PPP1R42: variants seen among roughly 807,000 people sequenced by gnomAD.
PPP1R42 encodes leucine rich repeat containing 67.
In PPP1R42, 34 loss-of-function variants were observed where a neutral mutation model predicts 31.0. The ratio of observed to expected loss-of-function variants is 1.10; its 90% CI spans 0.83 to 1.46. The LOEUF is 1.46. Ranked by LOEUF, PPP1R42 falls within the 40% of genes most tolerant of loss-of-function variation. The pLI is 0.00. For missense variants in PPP1R42, 268 were observed against 303.0 expected (o/e 0.88, Z 0.86); for synonymous variants, 103 against 109.8 (o/e 0.94, Z 0.39).
intron 5 of PPP1R42, among the ~76,000 whole-genome samples, chr8:67,005,488 A>G (rs1261313940): frequency 6.6e-6 from 1 of 151,980 alleles, no homozygotes; most frequent in Non-Finnish European, 1.5e-5. Flanking sequence ...TTCCAATCTT[A>G]CTTCTCCCTT....
chr8:66,988,177 A>G lies in PPP1R42; in HGVS notation c.670+223T>C, dbSNP rs1456200378. On this transcript the variant is annotated intron_variant, in intron 6 of 7. Transcript: ENST00000685739. ...TGGTAATAGCAAAATATCCTCCTTA[A>G]GGAATAAGTATCAGGTGCTTTAATT... 2.6e-6 allele frequency: 3 copies of G among 1,156,914 alleles called. No individual in the cohort carries two copies. The African/African-American group carries it at 4.8e-5, about 19-fold the overall frequency. The allele number at this position is 1,156,914 out of a possible 1,614,324, so 71.7% of individuals were successfully genotyped here. A position where few individuals can be genotyped will look rare whatever the true frequency, so the allele number is the denominator to read the frequency against.
chr8:67,024,023 GT>G (rs1816307976), intron 1 of PPP1R42, among the ~76,000 whole-genome samples: 1 of 151,942 alleles, frequency 6.6e-6, no homozygotes, highest in Non-Finnish European at 1.5e-5. Context: ...GCGCGCACCT[GT>G]AGTCCCAGCT....
intron 7 of PPP1R42, among the ~76,000 whole-genome samples, chr8:66,977,079 G>A (rs1439364098): frequency 6.6e-6 from 1 of 151,292 alleles, no homozygotes; most frequent in African/African-American, 2.4e-5. Flanking sequence ...TGTCACACAG[G>A]CTGAAGTGTA....
At chr8:67,028,199 C>A (rs1357155649) in intron 1 of PPP1R42, among the ~76,000 whole-genome samples, 1 of 152,138 alleles carries the variant, frequency 6.6e-6, no homozygotes, top group Non-Finnish European at 1.5e-5. Flanking sequence ...TTTCAAAACC[C>A]TTCCCTTTCA....
chr8:67,016,698 G>A (rs764681391), intron 2 of PPP1R42, among the ~76,000 whole-genome samples: 23 of 152,052 alleles, frequency 1.5e-4, no homozygotes, highest in Admixed American at 3.3e-4. Flanking sequence ...TCTTTTTTGA[G>A]ACGTAGTCTC....
At chr8:66,964,463 G>T in intron 7 of PPP1R42, 129 bp from the exon 8 acceptor site, 1 of 328,272 alleles carries the variant, frequency 3.0e-6, no homozygotes, top group Non-Finnish European at 5.3e-6. Context: ...ACCAAACAGT[G>T]TGAATCTTGT....
intron 6 of PPP1R42, among the ~76,000 whole-genome samples, chr8:66,983,952 A>C (rs1354541007): frequency 6.6e-6 from 1 of 152,284 alleles, no homozygotes; most frequent in Non-Finnish European, 1.5e-5. Flanking sequence ...ATACGCACAT[A>C]AGGGGAATAA....
At chr8:67,027,740 G>A (rs1369863782) in intron 1 of PPP1R42, among the ~76,000 whole-genome samples, 4 of 152,194 alleles carry the variant, frequency 2.6e-5, no homozygotes, top group Non-Finnish European at 5.9e-5. Context: ...CACTTGTGAA[G>A]TGTCTTTGGT....
intron 7 of PPP1R42, among the ~76,000 whole-genome samples, chr8:66,971,867 G>A (rs945269638): frequency 2.6e-5 from 4 of 152,050 alleles, no homozygotes; most frequent in Non-Finnish European, 5.9e-5. Context: ...CCCCAATATA[G>A]AGCTCCAAAT....
intron 2 of PPP1R42, 130 bp downstream of exon 2, chr8:67,017,489 C>G (rs1443441541): frequency 6.5e-6 from 3 of 461,174 alleles, no homozygotes; most frequent in Non-Finnish European, 1.1e-5. Context: ...CGGAGAGAGA[C>G]TCTATCTCAA....
chr8:66,981,943 A>G, intron 7 of PPP1R42, 106 bp downstream of exon 7: 1 of 1,177,922 alleles, frequency 8.5e-7, no homozygotes, highest in South Asian at 3.5e-5. Flanking sequence ...AAACAACAAC[A>G]ACAAAAAACT....
intron 1 of PPP1R42, 51 bp downstream of exon 1, chr8:67,028,440 T>C (rs555093338): frequency 7.2e-6 from 7 of 974,176 alleles, no homozygotes; most frequent in African/African-American, 1.8e-5. Flanking sequence ...TTGAGAAACA[T>C]GGTTCTAGGG....
chr8:67,012,313 G>T (rs1351494987), intron 4 of PPP1R42, among the ~76,000 whole-genome samples: 1 of 152,176 alleles, frequency 6.6e-6, no homozygotes, highest in East Asian at 1.9e-4. Context: ...TCCTGCCCCA[G>T]AATTAAAGTT....
chr8:67,016,357 A>G (rs1488569526), intron 2 of PPP1R42, among the ~76,000 whole-genome samples: 1 of 152,242 alleles, frequency 6.6e-6, no homozygotes, highest in African/African-American at 2.4e-5. Context: ...CTGTGTTTCC[A>G]AGAAAATTTA....
At chr8:66,984,233 A>G (rs529981302) in intron 6 of PPP1R42, 4 of 1,501,820 alleles carry the variant, frequency 2.7e-6, no homozygotes, top group South Asian at 2.3e-5. Context: ...TCTATAGGAC[A>G]CTGTTTAAAC....
In PPP1R42 at chr8:66,997,321, A is replaced by G. The variant is rs1037189698; in HGVS notation, c.553-8804T>C. ...TTATTTTATTTATTTTATTTTTGAG[A>G]AAGGATCTCACTTTGAAACCCAGGC... On this transcript the variant is annotated intron_variant, in intron 5 of 7. Transcript: ENST00000685739. Among the ~76,000 whole-genome samples the G allele has an allele frequency of 3.3e-5, 5 of 152,170 alleles. No individual in the cohort carries two copies. In the South Asian group the frequency reaches 1.0e-3, roughly 32 times the overall value.
intron 5 of PPP1R42, among the ~76,000 whole-genome samples, chr8:66,994,347 A>C (rs1331713705): frequency 1.3e-5 from 2 of 152,118 alleles, no homozygotes; most frequent in Non-Finnish European, 1.5e-5. Context: ...CAGAATGCTT[A>C]TATTTCCTGG....
At chr8:66,978,836 T>C (rs758492089) in intron 7 of PPP1R42, among the ~76,000 whole-genome samples, 1 of 152,256 alleles carries the variant, frequency 6.6e-6, no homozygotes, top group African/African-American at 2.4e-5. Flanking sequence ...ATCTTTCTTA[T>C]ATTTGTTGGC....
chr8:67,001,916 C>A (rs1275804656), intron 5 of PPP1R42, among the ~76,000 whole-genome samples: 2 of 152,174 alleles, frequency 1.3e-5, no homozygotes, highest in African/African-American at 4.8e-5. Context: ...GAGCTGCGAT[C>A]ACACTACTGC....
Sources: gnomAD v4.1 joint callset for allele counts (sites outside exome capture counted in the v4.1 genomes callset) on GRCh38, gnomAD v4.1.1 for gene constraint, MANE v1.5 for transcripts, NCBI Gene and HGNC (gene_info 2026-07-23, HGNC 2026-07-21) for gene names.